The following CCNJL variants were observed in gnomAD, a reference collection of about 807,000 sequenced individuals.
CCNJL encodes the protein cyclin J like, also known as cyclin-J-like protein.
In CCNJL, 33 loss-of-function variants were observed where a neutral mutation model predicts 33.4. The observed-to-expected ratio is 0.99, with a 90% CI of 0.75 to 1.32. The LOEUF (loss-of-function observed/expected upper bound fraction) is 1.32. CCNJL is among the 40% of genes most tolerant of loss of function. The pLI is 0.00. For synonymous variants in CCNJL, 227 were observed against 220.9 expected (o/e 1.03, Z -0.24); for missense variants, 512 against 499.7 (o/e 1.02, Z -0.23).
At position 160,253,417 on chromosome 5, in the gene CCNJL, A is replaced by T. The variant is rs1349089451; in HGVS notation, c.1125T>A (p.Ser375Arg). The change falls in exon 6 of 6, where the codon AGT becomes AGA. Residue 375 changes from serine (S) to arginine (R), a missense_variant. Transcript: ENST00000257536. ...AGCCGGTGGGGAACATGTGGCTCCC[A>T]CTGAAGTAGCTGCTTCCATAGGTGG... ...LATTYGSSYF[S>R]GSHMFPTGCF... The T allele has an allele frequency of 6.2e-7, 1 of 1,601,606 alleles. No individual in the cohort carries two copies. Among genetic ancestry groups the T allele is most frequent in the Non-Finnish European group, 8.5e-7 (1 of 1,172,172 alleles).
intron 3 of CCNJL, among the ~76,000 whole-genome samples, chr5:160,272,722 A>G (rs995847526): frequency 1.3e-5 from 2 of 152,254 alleles, no homozygotes; most frequent in African/African-American, 2.4e-5. Flanking sequence ...ATTTACGGAA[A>G]AACGGGTCTC....
At chr5:160,303,575 A>C (rs1762992931) in intron 2 of CCNJL, among the ~76,000 whole-genome samples, 2 of 152,200 alleles carry the variant, frequency 1.3e-5, no homozygotes, top group South Asian at 2.1e-4. Flanking sequence ...CACACACAGT[A>C]AAGGACACAC....
At chr5:160,306,270 CAA>C (rs35956418) in intron 2 of CCNJL, among the ~76,000 whole-genome samples, 12,841 of 68,028 alleles carry the variant, frequency 0.19, 354 homozygotes, top group South Asian at 0.23. Context: ...GACTCCGTCT[CAA>C]AAAAAAAAAA....
intron 1 of CCNJL, among the ~76,000 whole-genome samples, chr5:160,334,888 C>T (rs189490736): frequency 4.9e-4 from 75 of 152,376 alleles, no homozygotes; most frequent in African/African-American, 1.6e-3. Flanking sequence ...CCAGGCGGTG[C>T]TGCTGTACAG....
At chr5:160,318,800 T>C (rs927234571) in intron 1 of CCNJL, among the ~76,000 whole-genome samples, 1 of 152,232 alleles carries the variant, frequency 6.6e-6, no homozygotes, top group African/African-American at 2.4e-5. Context: ...GGCTACAAAA[T>C]AGAATTTGTG....
At chr5:160,273,304 T>C (rs1003355874) in intron 3 of CCNJL, among the ~76,000 whole-genome samples, 2 of 152,220 alleles carry the variant, frequency 1.3e-5, no homozygotes, top group Non-Finnish European at 2.9e-5. Flanking sequence ...ATTGAACTCA[T>C]GGCCAACAGC....
intron 3 of CCNJL, among the ~76,000 whole-genome samples, chr5:160,272,858 A>G (rs1761885981): frequency 6.6e-6 from 1 of 152,226 alleles, no homozygotes; most frequent in Non-Finnish European, 1.5e-5. Flanking sequence ...AGACAGACTC[A>G]TGTAAGTTTG....
intron 1 of CCNJL, among the ~76,000 whole-genome samples, chr5:160,320,806 TTTCTTTCTTTCTTTC>T (rs1425029947): frequency 2.4e-5 from 2 of 83,058 alleles, no homozygotes; most frequent in Non-Finnish European, 5.4e-5. Flanking sequence ...TCTTTCTTTC[TTTCTTTCTTTCTTTC>T]TTTCTTTCTT....
intron 2 of CCNJL, among the ~76,000 whole-genome samples, chr5:160,287,913 G>C (rs964631672): frequency 2.0e-5 from 3 of 152,138 alleles, no homozygotes; most frequent in Non-Finnish European, 4.4e-5. Flanking sequence ...TGAGGTGGGA[G>C]GGGAGGGAAG....
chr5:160,326,121 A>G (rs1669278363), intron 1 of CCNJL, among the ~76,000 whole-genome samples: 1 of 152,152 alleles, frequency 6.6e-6, no homozygotes, highest in Non-Finnish European at 1.5e-5. Flanking sequence ...AGGCCTTTGA[A>G]ATACTAGAGT....
At chr5:160,255,780 G>C (rs1761039709) in intron 4 of CCNJL, 72 bp from the exon 5 acceptor site, 1 of 1,353,328 alleles carries the variant, frequency 7.4e-7, no homozygotes, top group Admixed American at 1.8e-5. Context: ...CCTGAGAATG[G>C]ATGGACAAAT....
intron 1 of CCNJL, among the ~76,000 whole-genome samples, chr5:160,322,549 GTT>G (rs1453591584): frequency 1.3e-5 from 2 of 152,224 alleles, no homozygotes; most frequent in African/African-American, 4.8e-5. Flanking sequence ...TGCATACATA[GTT>G]TCCTAGCCTG....
At chr5:160,338,802 T>TC (rs1763714033) in intron 1 of CCNJL, among the ~76,000 whole-genome samples, 1 of 147,914 alleles carries the variant, frequency 6.8e-6, no homozygotes, top group East Asian at 2.0e-4. Flanking sequence ...TTCTTCTTCT[T>TC]TTTTTTTGAG....
At chr5:160,306,394 C>G (rs17057626) in intron 2 of CCNJL, among the ~76,000 whole-genome samples, 14,818 of 151,916 alleles carry the variant, frequency 0.098, 798 homozygotes, top group South Asian at 0.2. Flanking sequence ...GATCTCAAGT[C>G]TGGAGCAGGA....
chr5:160,272,942 A>G (rs2113313726), intron 3 of CCNJL, among the ~76,000 whole-genome samples: 1 of 152,356 alleles, frequency 6.6e-6, no homozygotes, highest in East Asian at 1.9e-4. Context: ...GTCCAAAAAT[A>G]GAGAAATCAT....
intron 2 of CCNJL, among the ~76,000 whole-genome samples, chr5:160,304,619 C>T (rs1027818780): frequency 2.6e-5 from 4 of 152,076 alleles, no homozygotes; most frequent in African/African-American, 7.2e-5. Flanking sequence ...GTAACTAAGC[C>T]GGGCAGACAC....
chr5:160,259,490 A>G lies in CCNJL; in HGVS notation c.562T>C (p.Phe188Leu). The change falls in exon 4 of 6, where the codon TTC becomes CTC. Residue 188 changes from phenylalanine to leucine, a missense_variant. Transcript: ENST00000257536. The stretch of plus-strand genomic sequence containing the variant: ...TCACCTTGCAGGGTGACCTCTAGGA[A>G]GTAATGGGCATACTCCTTGAGGCAC... ...KECLKEYAHY[F>L]LEVTLQDHIF... The G allele has an allele frequency of 6.2e-7, 1 of 1,613,564 alleles. No individual in the cohort carries two copies. The highest frequency in any genetic ancestry group is 8.5e-7 in the Non-Finnish European group (1 of 1,179,648).
chr5:160,332,537 C>G (rs897528847), intron 1 of CCNJL, among the ~76,000 whole-genome samples: 1 of 152,144 alleles, frequency 6.6e-6, no homozygotes, highest in African/African-American at 2.4e-5. Context: ...CCTGTCTGAC[C>G]TCATCTTCTC....
chr5:160,312,160 C>G (rs1018477439), intron 1 of CCNJL, among the ~76,000 whole-genome samples, 188 bp from the exon 2 acceptor site: 1 of 152,226 alleles, frequency 6.6e-6, no homozygotes, highest in Non-Finnish European at 1.5e-5. Flanking sequence ...TCGCCGGACA[C>G]GGGGCGATAT....
Sources: allele counts gnomAD v4.1 joint callset (sites outside exome capture counted in the v4.1 genomes callset), GRCh38; gene constraint gnomAD v4.1.1; transcripts MANE v1.5; gene names NCBI Gene and HGNC (gene_info 2026-07-23, HGNC 2026-07-21).